Variants in GPC6 observed in about 807,000 individuals in gnomAD.
The protein encoded by GPC6 is glypican-6.
In GPC6, 14 loss-of-function variants were observed where a neutral mutation model predicts 55.2. The observed-to-expected ratio is 0.25, with a 90% CI of 0.17 to 0.40. GPC6 has a LOEUF of 0.40. Among genes scored for constraint, GPC6 ranks in the 10% least tolerant of loss-of-function variants. The pLI is 1.00. For missense variants in GPC6, 641 were observed against 708.5 expected (o/e 0.90, Z 1.08); for synonymous variants, 278 against 259.6 (o/e 1.07, Z -0.68).
chr13:93,483,786 A>G (rs995213548), intron 1 of GPC6, among the ~76,000 whole-genome samples: 1 of 152,136 alleles, frequency 6.6e-6, no homozygotes, highest in African/African-American at 2.4e-5. Context: ...GCATTGTGCT[A>G]TTAGCCCACA....
intron 1 of GPC6, among the ~76,000 whole-genome samples, chr13:93,515,062 C>A (rs575363282): frequency 6.6e-6 from 1 of 152,064 alleles, no homozygotes; most frequent in East Asian, 1.9e-4. Context: ...TCTGTGTGCC[C>A]CTACAAGAAA....
chr13:93,267,643 C>T (rs559606524), intron 1 of GPC6, among the ~76,000 whole-genome samples: 19 of 152,240 alleles, frequency 1.2e-4, no homozygotes, highest in African/African-American at 4.3e-4. Context: ...TAAATTTTCT[C>T]AATGCCTAAT....
At chr13:94,275,003 A>G (rs886692593) in intron 4 of GPC6, among the ~76,000 whole-genome samples, 2 of 152,192 alleles carry the variant, frequency 1.3e-5, no homozygotes, top group African/African-American at 2.4e-5. Context: ...GCAGGAGAGT[A>G]GGGAGAGGGA....
At chr13:93,995,340 A>G (rs1031507401) in intron 3 of GPC6, among the ~76,000 whole-genome samples, 1 of 151,976 alleles carries the variant, frequency 6.6e-6, no homozygotes, top group African/African-American at 2.4e-5. Flanking sequence ...GGTGTGCACC[A>G]CCACACCCAG....
At chr13:93,756,000 T>A (rs1287314175) in intron 2 of GPC6, among the ~76,000 whole-genome samples, 1 of 152,202 alleles carries the variant, frequency 6.6e-6, no homozygotes, top group Non-Finnish European at 1.5e-5. Context: ...CAGAAATTGA[T>A]TTCCTCTGTG....
chr13:93,467,160 A>G (rs1255182979), intron 1 of GPC6, among the ~76,000 whole-genome samples: 3 of 152,154 alleles, frequency 2.0e-5, no homozygotes, highest in Non-Finnish European at 4.4e-5. Flanking sequence ...TTTCTGCATA[A>G]TAATTTGACC....
At chr13:94,251,316 A>AG (rs1160448632) in intron 4 of GPC6, among the ~76,000 whole-genome samples, 9 of 146,688 alleles carry the variant, frequency 6.1e-5, no homozygotes, top group East Asian at 4.2e-4. Context: ...TGGGGGGCAA[A>AG]GCGGGGGAGA....
At chr13:94,395,312 A>G (rs750665535) in intron 7 of GPC6, among the ~76,000 whole-genome samples, 13 of 152,244 alleles carry the variant, frequency 8.5e-5, no homozygotes, top group Non-Finnish European at 1.6e-4. Flanking sequence ...ATGGCAAAAG[A>G]AAGAGATATG....
chr13:94,207,656 G>C (rs559710353), intron 4 of GPC6, among the ~76,000 whole-genome samples: 1 of 151,960 alleles, frequency 6.6e-6, no homozygotes, highest in Non-Finnish European at 1.5e-5. Context: ...TCCCCCTTAG[G>C]TGATGACCAT....
chr13:94,127,384 C>T (rs1337663794), intron 4 of GPC6, among the ~76,000 whole-genome samples: 1 of 151,986 alleles, frequency 6.6e-6, no homozygotes, highest in African/African-American at 2.4e-5. Flanking sequence ...AAAGCACCTC[C>T]CCTCCCACTC....
chr13:93,712,395 C>T (rs1320283581), intron 2 of GPC6, among the ~76,000 whole-genome samples: 9 of 151,550 alleles, frequency 5.9e-5, no homozygotes, highest in Non-Finnish European at 1.3e-4. Context: ...GGAGGTAGCA[C>T]GCATCAGTAG....
intron 3 of GPC6, among the ~76,000 whole-genome samples, chr13:93,850,559 C>G (rs764875453): frequency 2.6e-5 from 4 of 151,830 alleles, no homozygotes; most frequent in Non-Finnish European, 5.9e-5. Flanking sequence ...ATTGACTAGT[C>G]ACAAGGTATA....
intron 2 of GPC6, among the ~76,000 whole-genome samples, chr13:93,788,745 C>T (rs999565341): frequency 7.9e-5 from 12 of 152,010 alleles, no homozygotes; most frequent in Non-Finnish European, 1.6e-4. Context: ...GCCAGAGATC[C>T]AGAAGGGTTT....
At chr13:93,674,143 A>G (rs1344744796) in intron 2 of GPC6, among the ~76,000 whole-genome samples, 1 of 152,136 alleles carries the variant, frequency 6.6e-6, no homozygotes, top group African/African-American at 2.4e-5. Flanking sequence ...TTAACCTAAC[A>G]ATCAGTTTTG....
At chr13:93,751,166 C>T (rs145844340) in intron 2 of GPC6, among the ~76,000 whole-genome samples, 1 of 144,020 alleles carries the variant, frequency 6.9e-6, no homozygotes, top group Non-Finnish European at 1.5e-5. Context: ...GAAAAACAAA[C>T]AAACAAACAA....
chr13:93,763,828 A>AT (rs5805824), intron 2 of GPC6, among the ~76,000 whole-genome samples: 52 of 149,234 alleles, frequency 3.5e-4, no homozygotes, highest in South Asian at 1.1e-3. Context: ...CTTCATCTTT[A>AT]TTTTTTTTTT....
intron 4 of GPC6, among the ~76,000 whole-genome samples, chr13:94,225,744 G>T (rs1260680509): frequency 6.6e-6 from 1 of 151,720 alleles, no homozygotes; most frequent in African/African-American, 2.4e-5. Flanking sequence ...GTATTAATCA[G>T]CTGATGAAAA....
At chr13:94,257,823 C>G (rs78930444) in intron 4 of GPC6, among the ~76,000 whole-genome samples, 2 of 152,142 alleles carry the variant, frequency 1.3e-5, no homozygotes, top group Non-Finnish European at 2.9e-5. Context: ...TATTGAGAAA[C>G]TAAGTCAAAA....
rs1408190584 is a variant in GPC6 at position 94,150,798 on chromosome 13, AAG to A, written c.877+122912_877+122913del. Among the ~76,000 whole-genome samples, 26 of 146,886 alleles carry A rather than the reference AAG, an allele frequency of 1.8e-4. 1 individual carries two copies. Among genetic ancestry groups the A allele is most frequent in the African/African-American group, 6.7e-4 (26 of 38,630 alleles). On this transcript the variant is annotated intron_variant, in intron 4 of 8. Coordinates refer to ENST00000377047, the MANE Select transcript of GPC6 (RefSeq NM_005708.5). ...AATAAGTAGGATCAAATGAAGCAGA[AAG>A]AGAGAGATCAGCAGTATATATATAT...
Sources: gnomAD v4.1 joint callset for allele counts (sites outside exome capture counted in the v4.1 genomes callset) on GRCh38, gnomAD v4.1.1 for gene constraint, MANE v1.5 for transcripts, NCBI Gene and HGNC (gene_info 2026-07-23, HGNC 2026-07-21) for gene names.